The following GAREM1 variants were observed in gnomAD, a reference collection of about 807,000 sequenced individuals.
GAREM1 encodes GRB2 associated regulator of MAPK1 subtype 1, also known as GRB2-associated and regulator of MAPK protein 1.
A neutral mutation model predicts 71.3 loss-of-function variants in GAREM1; 26 were observed. The ratio of observed to expected loss-of-function variants is 0.36; its 90% CI spans 0.27 to 0.51. The LOEUF is 0.51. Ranked by LOEUF, GAREM1 falls within the 20% of genes least tolerant of loss-of-function variation. The pLI is 0.95. For missense variants in GAREM1, 1,026 were observed against 1,103.1 expected (o/e 0.93, Z 0.99); for synonymous variants, 440 against 433.2 (o/e 1.02, Z -0.20).
chr18:32,339,606 A>T lies in GAREM1; in HGVS notation c.263-29283T>A, dbSNP rs190485164. 5.7e-4 allele frequency among the ~76,000 whole-genome samples: 87 copies of T among 152,262 alleles called. No homozygotes were observed. In the East Asian group the frequency reaches 0.012, roughly 21 times the overall value. ...CTTTGTGCAGACCTGTGTCTTCTAA[A>T]TCTCTTCCTAGCCCAGACCACCTTA... On this transcript the variant is annotated intron_variant, in intron 2 of 5. Transcript: ENST00000269209.
At chr18:32,406,086 GGTA>G (rs2048362777) in intron 1 of GAREM1, among the ~76,000 whole-genome samples, 1 of 152,126 alleles carries the variant, frequency 6.6e-6, no homozygotes, top group African/African-American at 2.4e-5. Context: ...ACCTTGCAAA[GGTA>G]GCTTAGGCTA....
chr18:32,376,054 A>C (rs2048027795), intron 2 of GAREM1, among the ~76,000 whole-genome samples: 1 of 152,258 alleles, frequency 6.6e-6, no homozygotes, highest in South Asian at 2.1e-4. Context: ...ATATTCAGGC[A>C]AATGGCTGAA....
chr18:32,452,268 T>C (rs2048847162), intron 1 of GAREM1, among the ~76,000 whole-genome samples: 1 of 152,206 alleles, frequency 6.6e-6, no homozygotes, highest in Non-Finnish European at 1.5e-5. Context: ...CAATCCATTC[T>C]GTTGTAACAC....
intron 2 of GAREM1, among the ~76,000 whole-genome samples, chr18:32,330,554 T>C (rs1356020737): frequency 6.6e-6 from 1 of 152,200 alleles, no homozygotes; most frequent in South Asian, 2.1e-4. Context: ...CAAGGGTGTA[T>C]CTTTAAATAA....
intron 1 of GAREM1, among the ~76,000 whole-genome samples, chr18:32,453,132 G>A (rs775182085): frequency 1.3e-5 from 2 of 151,998 alleles, no homozygotes; most frequent in Non-Finnish European, 2.9e-5. Context: ...CGTCTTACGC[G>A]GCCGCAGGAA....
chr18:32,434,531 T>TA (rs2048656468), intron 1 of GAREM1, among the ~76,000 whole-genome samples: 1 of 151,978 alleles, frequency 6.6e-6, no homozygotes, highest in South Asian at 2.1e-4. Context: ...AAGCCAAAAT[T>TA]AGAGTTCCCT....
intron 1 of GAREM1, among the ~76,000 whole-genome samples, chr18:32,458,391 T>G (rs2048917931): frequency 6.6e-6 from 1 of 152,068 alleles, no homozygotes; most frequent in Admixed American, 6.6e-5. Context: ...GCAAGGGAAT[T>G]CTTTCAGAGG....
At chr18:32,367,793 A>G (rs2047940644) in intron 2 of GAREM1, among the ~76,000 whole-genome samples, 1 of 152,142 alleles carries the variant, frequency 6.6e-6, no homozygotes, top group South Asian at 2.1e-4. Context: ...GGAGAAGCCA[A>G]GCACCTTCAC....
chr18:32,343,465 C>T (rs898374703), intron 2 of GAREM1, among the ~76,000 whole-genome samples: 1 of 151,852 alleles, frequency 6.6e-6, no homozygotes, highest in Non-Finnish European at 1.5e-5. Context: ...CAGGCACCCG[C>T]CAATTTTGTA....
intron 1 of GAREM1, among the ~76,000 whole-genome samples, chr18:32,408,722 A>C (rs1451050753): frequency 6.6e-6 from 1 of 152,148 alleles, no homozygotes; most frequent in East Asian, 1.9e-4. Context: ...AGTGCAACCC[A>C]TGATTAGGAG....
intron 2 of GAREM1, among the ~76,000 whole-genome samples, chr18:32,360,777 T>A (rs748077888): frequency 1.3e-5 from 2 of 152,102 alleles, no homozygotes; most frequent in Non-Finnish European, 2.9e-5. Context: ...CAGAGATTTG[T>A]TAATATCTTT....
intron 1 of GAREM1, among the ~76,000 whole-genome samples, chr18:32,446,223 AGTGTGTGT>A (rs10587223): frequency 4.9e-5 from 7 of 143,344 alleles, no homozygotes; most frequent in African/African-American, 1.0e-4. Context: ...AGTTCCCCAT[AGTGTGTGT>A]GTGTGTGTGT....
intron 1 of GAREM1, among the ~76,000 whole-genome samples, chr18:32,451,739 A>T (rs1339822914): frequency 6.6e-6 from 1 of 151,468 alleles, no homozygotes; most frequent in African/African-American, 2.4e-5. Context: ...CTTGTTAAAC[A>T]AAAAAAAATC....
At chr18:32,305,907 A>T (rs545233168) in intron 3 of GAREM1, among the ~76,000 whole-genome samples, 3 of 152,090 alleles carry the variant, frequency 2.0e-5, no homozygotes, top group South Asian at 2.1e-4. Context: ...TGCTATACTC[A>T]CTGGGAGAAC....
chr18:32,433,674 T>C (rs1239255301), intron 1 of GAREM1, among the ~76,000 whole-genome samples: 3 of 151,940 alleles, frequency 2.0e-5, no homozygotes, highest in South Asian at 2.1e-4. Flanking sequence ...CAATATACAA[T>C]TGGAAACAAA....
intron 2 of GAREM1, among the ~76,000 whole-genome samples, chr18:32,323,978 G>C (rs934345048): frequency 6.6e-6 from 1 of 151,708 alleles, no homozygotes; most frequent in African/African-American, 2.4e-5. Context: ...AAAAGAAAAT[G>C]AGACATAGAA....
chr18:32,315,209 C>T (rs2144527244), intron 2 of GAREM1, among the ~76,000 whole-genome samples: 1 of 151,756 alleles, frequency 6.6e-6, no homozygotes, highest in African/African-American at 2.4e-5. Flanking sequence ...ATCACTGCAC[C>T]CTAATATATC....
intron 2 of GAREM1, among the ~76,000 whole-genome samples, chr18:32,379,510 G>A (rs2048072009): frequency 1.3e-5 from 2 of 149,532 alleles, no homozygotes; most frequent in South Asian, 2.1e-4. Context: ...TTCAAGACCA[G>A]CCTGACCAAT....
At chr18:32,385,056 TTCTC>T (rs1184961865) in intron 2 of GAREM1, among the ~76,000 whole-genome samples, 1 of 152,096 alleles carries the variant, frequency 6.6e-6, no homozygotes, top group Non-Finnish European at 1.5e-5. Flanking sequence ...CTTAATTACT[TTCTC>T]TCTTTTTCCT....
Sources: allele counts gnomAD v4.1 joint callset (sites outside exome capture counted in the v4.1 genomes callset), GRCh38; gene constraint gnomAD v4.1.1; transcripts MANE v1.5; gene names NCBI Gene and HGNC (gene_info 2026-07-23, HGNC 2026-07-21).